NUP133: variants seen among roughly 807,000 people sequenced by gnomAD.
NUP133 encodes nucleoporin 133.
NUP133 carries 66 observed loss-of-function variants against 146.2 expected under a neutral mutation model. The ratio of observed to expected loss-of-function variants is 0.45; its 90% CI spans 0.37 to 0.55. The LOEUF (loss-of-function observed/expected upper bound fraction) is 0.55. Ranked by LOEUF, NUP133 falls within the 20% of genes least tolerant of loss-of-function variation. NUP133 has a pLI of 0.00. For synonymous variants in NUP133, 521 were observed against 498.8 expected, an observed-to-expected ratio of 1.04 and a Z score of -0.59; for missense variants, 1,277 against 1,374.8, an observed-to-expected ratio of 0.93 and a Z score of 1.12.
chr1:229,446,488 A>G (rs938795658), intron 24 of NUP133, among the ~76,000 whole-genome samples: 25 of 152,052 alleles, frequency 1.6e-4, no homozygotes, highest in Non-Finnish European at 5.9e-5. Context: ...TGACCCTCAA[A>G]TTGTAGTAAC....
chr1:229,489,559 A>C (rs1661457265), intron 9 of NUP133, among the ~76,000 whole-genome samples: 1 of 152,232 alleles, frequency 6.6e-6, no homozygotes, highest in African/African-American at 2.4e-5. Flanking sequence ...CCTGCAGATG[A>C]AATCTGTCAC....
intron 11 of NUP133, among the ~76,000 whole-genome samples, 161 bp downstream of exon 11, chr1:229,486,210 T>G (rs1661341757): frequency 6.6e-6 from 1 of 151,642 alleles, no homozygotes; most frequent in Non-Finnish European, 1.5e-5. Flanking sequence ...GCCAGGCACC[T>G]ACTGGGAAGT....
chr1:229,460,566 CTAAA>C, intron 20 of NUP133, 41 bp downstream of exon 20: 1 of 1,559,524 alleles, frequency 6.4e-7, no homozygotes, highest in South Asian at 1.2e-5. Context: ...TTAAAACTAC[CTAAA>C]TAAATTGCAC....
intron 8 of NUP133, among the ~76,000 whole-genome samples, chr1:229,493,808 C>T (rs1263980916): frequency 2.6e-5 from 4 of 152,190 alleles, no homozygotes; most frequent in Non-Finnish European, 5.9e-5. Context: ...CATTCTCAAC[C>T]TCATGCCTCC....
intron 12 of NUP133, among the ~76,000 whole-genome samples, chr1:229,483,696 CAA>C (rs35673633): frequency 0.034 from 1,925 of 57,336 alleles, 16 homozygotes; most frequent in African/African-American, 0.083. Flanking sequence ...CGGAGTGTCT[CAA>C]AAAAAAAAAA....
rs370174724 is a variant in NUP133 at position 229,460,483 on chromosome 1, T to C, written c.2844+128A>G. Reference sequence around the variant, plus strand: ...TAAGCCACCATGCCCAGCTCCCTTATATATTTTGGATAGTAACCCCTTCTC... The same window carrying C: ...TAAGCCACCATGCCCAGCTCCCTTACATATTTTGGATAGTAACCCCTTCTC... On this transcript the variant is annotated intron_variant, in intron 20 of 25. Coordinates refer to ENST00000261396, the MANE Select transcript of NUP133 (RefSeq NM_018230.3). 8.1e-5 allele frequency: 72 copies of C among 888,586 alleles called. No individual in the cohort carries two copies. In the South Asian group the frequency reaches 1.2e-3, roughly 15 times the overall value. 55.0% of individuals were successfully genotyped at this position (888,586 alleles called of 1,614,324 possible). A position where few individuals can be genotyped will look rare whatever the true frequency, so the allele number is the denominator to read the frequency against.
intron 6 of NUP133, among the ~76,000 whole-genome samples, chr1:229,496,443 T>C (rs1661658535): frequency 6.6e-6 from 1 of 152,100 alleles, no homozygotes; most frequent in Non-Finnish European, 1.5e-5. Context: ...CACTGCACTC[T>C]AGCCTGGCGA....
chr1:229,496,190 T>C, intron 6 of NUP133, 143 bp from the exon 7 acceptor site: 2 of 676,090 alleles, frequency 3.0e-6, no homozygotes, highest in Non-Finnish European at 4.5e-6. Flanking sequence ...GTAGTGATCC[T>C]GGGCCGGGTG....
intron 7 of NUP133, 56 bp downstream of exon 7, chr1:229,495,836 G>A: frequency 7.3e-7 from 1 of 1,365,270 alleles, no homozygotes; most frequent in Non-Finnish European, 1.0e-6. Context: ...AAGGGAACCA[G>A]CATTATCATA....
rs572598342 is a variant in NUP133 at position 229,495,779 on chromosome 1, C to T, written c.975+113G>A. The T allele has an allele frequency of 3.4e-5, 34 of 1,005,786 alleles. 1 individual carries two copies. In the South Asian group the frequency reaches 5.6e-4, roughly 17 times the overall value. 62.3% of individuals were successfully genotyped at this position (1,005,786 alleles called of 1,614,324 possible). A position where few individuals can be genotyped will look rare whatever the true frequency, so the allele number is the denominator to read the frequency against. Reference sequence around the variant, plus strand: ...TTCCACTTAATCTGATAACCATACACTATGTTGTTTATTACACTGAAATGT... The same window carrying T: ...TTCCACTTAATCTGATAACCATACATTATGTTGTTTATTACACTGAAATGT... On this transcript the variant is annotated intron_variant, in intron 7 of 25. Transcript: ENST00000261396.
chr1:229,494,710 T>C (rs141309280), intron 8 of NUP133, among the ~76,000 whole-genome samples: 24 of 152,336 alleles, frequency 1.6e-4, no homozygotes, highest in African/African-American at 5.5e-4. Context: ...GTATGAACTA[T>C]GATTAAGTTC....
intron 21 of NUP133, among the ~76,000 whole-genome samples, chr1:229,457,107 G>A (rs373168297): frequency 2.0e-5 from 3 of 152,012 alleles, no homozygotes; most frequent in South Asian, 2.1e-4. Flanking sequence ...GATTACAGGC[G>A]TGAGCCACCA....
chr1:229,473,578 C>A (rs1296732521), intron 14 of NUP133, among the ~76,000 whole-genome samples: 1 of 152,148 alleles, frequency 6.6e-6, no homozygotes, highest in Non-Finnish European at 1.5e-5. Context: ...CCTGCCGGCC[C>A]AGTATGCATA....
intron 21 of NUP133, among the ~76,000 whole-genome samples, chr1:229,456,070 C>T (rs1660552860): frequency 1.3e-5 from 2 of 152,120 alleles, no homozygotes; most frequent in Admixed American, 1.3e-4. Flanking sequence ...ATACAATGTC[C>T]CACCAGCAGG....
chr1:229,453,190 A>G (rs1660494060), intron 21 of NUP133, among the ~76,000 whole-genome samples: 1 of 140,714 alleles, frequency 7.1e-6, no homozygotes. Context: ...TAGCCTCCCA[A>G]AGTGTTGGGA....
At chr1:229,470,418 T>C (rs914654910) in intron 15 of NUP133, among the ~76,000 whole-genome samples, 162 bp downstream of exon 15, 2 of 152,176 alleles carry the variant, frequency 1.3e-5, no homozygotes, top group African/African-American at 2.4e-5. Context: ...AACTGATCAA[T>C]GAGACTTCTG....
At chr1:229,473,313 C>T (rs767757558) in intron 14 of NUP133, among the ~76,000 whole-genome samples, 1 of 152,164 alleles carries the variant, frequency 6.6e-6, no homozygotes, top group Non-Finnish European at 1.5e-5. Flanking sequence ...TAATTATCAA[C>T]ATAAATTCTT....
chr1:229,480,229 C>A (rs191830112), intron 12 of NUP133, among the ~76,000 whole-genome samples: 1 of 152,222 alleles, frequency 6.6e-6, no homozygotes, highest in East Asian at 1.9e-4. Context: ...GAAGTTAAGT[C>A]CTCTGCTAAG....
rs1249166480 is a variant in NUP133, at chr1:229,494,573, T to C, written c.1046+922A>G. Among the ~76,000 whole-genome samples, 3 of 152,252 alleles carry C rather than the reference T, an allele frequency of 2.0e-5. No individual in the cohort carries two copies. In the East Asian group the frequency reaches 5.8e-4, roughly 29 times the overall value. On this transcript the variant is annotated intron_variant, in intron 8 of 25. Transcript: ENST00000261396. ...TATGAGCAATGTTACAAATGGTTTT[T>C]AAGTTCCATGTGACCTTGAGCATTA...
Sources: gnomAD v4.1 joint callset for allele counts (sites outside exome capture counted in the v4.1 genomes callset) on GRCh38, gnomAD v4.1.1 for gene constraint, MANE v1.5 for transcripts, NCBI Gene and HGNC (gene_info 2026-07-23, HGNC 2026-07-21) for gene names.